TBX19: variants seen among roughly 807,000 people sequenced by gnomAD.
TBX19 encodes the protein T-box transcription factor 19, also known as T-box transcription factor TBX19.
In TBX19, 33 loss-of-function variants were observed where a neutral mutation model predicts 40.9. The observed-to-expected ratio is 0.81, with a 90% confidence interval of 0.61 to 1.08. The LOEUF is 1.08. Ranked by LOEUF, TBX19 falls within the 50% of genes least tolerant of loss-of-function variation. The pLI is 0.00. For missense variants in TBX19, 494 were observed against 574.0 expected, an observed-to-expected ratio of 0.86 and a Z score of 1.42; for synonymous variants, 220 against 225.0, an observed-to-expected ratio of 0.98 and a Z score of 0.20.
At chr1:168,301,056 A>T (rs536912883) in intron 5 of TBX19, among the ~76,000 whole-genome samples, 3 of 152,172 alleles carry the variant, frequency 2.0e-5, no homozygotes, top group Admixed American at 1.3e-4. Context: ...TGCAGCTGCA[A>T]TGCAACCCAC....
At chr1:168,295,260 C>T (rs1343996252) in intron 3 of TBX19, among the ~76,000 whole-genome samples, 2 of 151,918 alleles carry the variant, frequency 1.3e-5, no homozygotes, top group Admixed American at 1.3e-4. Context: ...CACTGCACTC[C>T]ATCCTGGGTG....
Position 168,305,159 on chromosome 1 carries a change from C to T in TBX19, c.879C>T (p.Tyr293=), listed in dbSNP as rs1355522042. 6.2e-7 allele frequency: 1 copy of T among 1,613,518 alleles called. No homozygotes were observed. The highest frequency in any genetic ancestry group is 1.7e-5 in the Admixed American group (1 of 60,012). Residue 293 remains tyrosine, a synonymous_variant, in exon 6 of 8, where the codon TAC becomes TAT. Transcript: ENST00000367821. ...SGLRGHRQAP[Y]PSAYMHRNHS... The stretch of plus-strand genomic sequence containing the variant: ...TCCGAGGACACCGGCAGGCTCCCTA[C>T]CCTTCTGCGTACATGCACAGAAACC...
chr1:168,293,925 ATATT>A (rs1435408902), intron 3 of TBX19, among the ~76,000 whole-genome samples: 1 of 152,170 alleles, frequency 6.6e-6, no homozygotes, highest in African/African-American at 2.4e-5. Flanking sequence ...TTTAAAGACA[ATATT>A]TATTTATTTA....
chr1:168,308,640 A>G lies in TBX19; in HGVS notation c.917-102A>G. On this transcript the variant is annotated intron_variant, in intron 6 of 7. Transcript: ENST00000367821. ...GAACTAACAAACTGTTGGTGCCTGT[A>G]GTGCAAGCCATGGTTATATTTTGCC... The G allele has an allele frequency of 5.6e-6, 8 of 1,416,322 alleles. No homozygotes were observed. The South Asian group carries it at 9.3e-5, about 16-fold the overall frequency. 87.7% of individuals were successfully genotyped at this position (1,416,322 alleles called of 1,614,324 possible). A position where few individuals can be genotyped will look rare whatever the true frequency, so the allele number is the denominator to read the frequency against.
At chr1:168,286,586 C>T (rs901386543) in intron 1 of TBX19, among the ~76,000 whole-genome samples, 1 of 152,220 alleles carries the variant, frequency 6.6e-6, no homozygotes, top group African/African-American at 2.4e-5. Context: ...TTGACAAATA[C>T]TCCATTGTAT....
intron 7 of TBX19, 97 bp downstream of exon 7, chr1:168,308,974 C>A: frequency 6.4e-7 from 1 of 1,555,414 alleles, no homozygotes; most frequent in South Asian, 1.1e-5. Context: ...GTGGCTTGGT[C>A]TAACCTATTG....
At chr1:168,288,276 T>A (rs1004711988) in intron 1 of TBX19, among the ~76,000 whole-genome samples, 6 of 151,236 alleles carry the variant, frequency 4.0e-5, no homozygotes, top group Non-Finnish European at 8.9e-5. Flanking sequence ...TATGCCATAT[T>A]TTTTTTTTGT....
rs1251970421 is a variant in TBX19 at position 168,291,425 on chromosome 1, G to A, written c.468+1G>A. Reference sequence around the variant, plus strand: ...CAACAAGCTCAATGGAGGCGGGCAGGTACGAATGAGGCGGGCAGGCCTGGC... The same window carrying A: ...CAACAAGCTCAATGGAGGCGGGCAGATACGAATGAGGCGGGCAGGCCTGGC... On this transcript the variant is annotated splice_donor_variant, in intron 2 of 7. Coordinates refer to ENST00000367821, the MANE Select transcript of TBX19 (RefSeq NM_005149.3). LOFTEE classifies it high-confidence loss of function. 6.2e-7 allele frequency: 1 copy of A among 1,614,134 alleles called. No homozygotes were observed. Among genetic ancestry groups the A allele is most frequent in the East Asian group, 2.2e-5 (1 of 44,874 alleles).
chr1:168,300,566 C>A, intron 5 of TBX19, 83 bp downstream of exon 5: 1 of 1,300,020 alleles, frequency 7.7e-7, no homozygotes, highest in Non-Finnish European at 1.1e-6. Context: ...CTTTGCCTGT[C>A]AGGACTGCTT....
rs1317466887 is a variant in TBX19 at position 168,308,829 on chromosome 1, G to A, written c.1004G>A (p.Ser335Asn). 1.9e-6 allele frequency: 3 copies of A among 1,613,998 alleles called. No homozygotes were observed. The highest frequency in any genetic ancestry group is 2.7e-5 in the African/African-American group (2 of 74,898). The change falls in exon 7 of 8, where the codon AGC (serine) becomes AAC (asparagine). Residue 335 changes from serine to asparagine, a missense_variant. Physicochemically the swap from Ser to Asn is conservative, Grantham distance 46 (BLOSUM62 1). This residue lies in a region of TBX19 where 284 missense variants were observed against 307.3 expected (regional missense o/e 0.92). Coordinates refer to ENST00000367821, the MANE Select transcript of TBX19 (RefSeq NM_005149.3). ...TCCTTATCCTCCACACCCCATGCCAGCATCCTGTCTGTACCCCACACCAAC... is the reference window on the plus strand; with the variant it reads ...TCCTTATCCTCCACACCCCATGCCAACATCCTGTCTGTACCCCACACCAAC... Reference protein sequence around the residue: ...WTSLSSTPHASILSVPHTNGP... With the variant: ...WTSLSSTPHANILSVPHTNGP...
chr1:168,297,613 G>C, intron 3 of TBX19, 111 bp from the exon 4 acceptor site: 1 of 969,498 alleles, frequency 1.0e-6, no homozygotes. Context: ...TGCCTGGTGG[G>C]AAAGGGAAGG....
At chr1:168,306,432 C>G (rs1454681498) in intron 6 of TBX19, among the ~76,000 whole-genome samples, 1 of 151,894 alleles carries the variant, frequency 6.6e-6, no homozygotes, top group South Asian at 2.1e-4. Context: ...TCGAGAGTAG[C>G]CTGGCCAACA....
intron 3 of TBX19, among the ~76,000 whole-genome samples, chr1:168,296,502 A>G (rs959134103): frequency 3.3e-5 from 5 of 152,148 alleles, no homozygotes; most frequent in Non-Finnish European, 7.4e-5. Context: ...TTATAAAACC[A>G]TCAGATCTCG....
At chr1:168,288,150 T>G (rs1264555062) in intron 1 of TBX19, among the ~76,000 whole-genome samples, 4 of 152,216 alleles carry the variant, frequency 2.6e-5, no homozygotes, top group African/African-American at 9.6e-5. Context: ...CTGAAGTTCC[T>G]TATATAAAAT....
chr1:168,284,907 G>A (rs1001759390), intron 1 of TBX19, among the ~76,000 whole-genome samples: 1 of 151,686 alleles, frequency 6.6e-6, no homozygotes, highest in Non-Finnish European at 1.5e-5. Flanking sequence ...TAAATTTGCC[G>A]ATTAGTTTCG....
chr1:168,281,339 A>G (rs1385668744), intron 1 of TBX19, 46 bp downstream of exon 1: 3 of 1,569,454 alleles, frequency 1.9e-6, no homozygotes, highest in South Asian at 1.1e-5. Flanking sequence ...GCTTGGCAGG[A>G]GAGATGAGAC....
At chr1:168,311,983 C>T (rs757876335) in intron 7 of TBX19, among the ~76,000 whole-genome samples, 1 of 152,106 alleles carries the variant, frequency 6.6e-6, no homozygotes, top group Non-Finnish European at 1.5e-5. Context: ...GCCGAATGTG[C>T]AATCAAGTGT....
At chr1:168,285,207 ATT>A (rs1389685823) in intron 1 of TBX19, among the ~76,000 whole-genome samples, 1 of 151,248 alleles carries the variant, frequency 6.6e-6, no homozygotes, top group East Asian at 1.9e-4. Context: ...ACCTGTTGCT[ATT>A]CTTATGCCTG....
intron 2 of TBX19, among the ~76,000 whole-genome samples, chr1:168,292,863 CAAAAAAAAA>C (rs751123603): frequency 3.0e-5 from 1 of 32,878 alleles, no homozygotes; most frequent in South Asian, 1.3e-3. Context: ...GACTCCGTCT[CAAAAAAAAA>C]AAAAAAAAAA....
Sources: allele counts gnomAD v4.1 joint callset (sites outside exome capture counted in the v4.1 genomes callset), GRCh38; gene constraint gnomAD v4.1.1; regional missense constraint gnomAD v4.1.1; transcripts MANE v1.5; gene names NCBI Gene and HGNC (gene_info 2026-07-23, HGNC 2026-07-21).